SHROOM3: variants seen among roughly 807,000 people sequenced by gnomAD.
SHROOM3 encodes protein Shroom3.
Under a neutral mutation model 138.6 loss-of-function variants are expected in SHROOM3, and 47 were observed. The ratio of observed to expected loss-of-function variants is 0.34; its 90% CI spans 0.27 to 0.43. SHROOM3 has a LOEUF of 0.43. Ranked by LOEUF, SHROOM3 falls within the 20% of genes least tolerant of loss-of-function variation. The probability of loss-of-function intolerance (pLI) is 1.00; values close to 1 mark genes in which losing one functional copy is unlikely to be tolerated. For missense variants in SHROOM3, 2,491 were observed against 2,596.5 expected, an observed-to-expected ratio of 0.96 and a Z score of 0.88; for synonymous variants, 1,062 against 1,063.3, an observed-to-expected ratio of 1.00 and a Z score of 0.02.
intron 1 of SHROOM3, among the ~76,000 whole-genome samples, chr4:76,470,201 A>G (rs1731341146): frequency 6.6e-6 from 1 of 152,196 alleles, no homozygotes; most frequent in South Asian, 2.1e-4. Context: ...ACCCATAGCT[A>G]TTCACTATAC....
intron 1 of SHROOM3, among the ~76,000 whole-genome samples, chr4:76,547,757 T>C (rs1288811494): frequency 2.0e-5 from 3 of 148,502 alleles, no homozygotes; most frequent in Non-Finnish European, 4.4e-5. Context: ...TGGTGAAACC[T>C]TGTCTCTACT....
At chr4:76,545,097 T>C (rs186541471) in intron 1 of SHROOM3, among the ~76,000 whole-genome samples, 4 of 151,932 alleles carry the variant, frequency 2.6e-5, no homozygotes, top group Admixed American at 2.6e-4. Context: ...TTTTTTCTTT[T>C]TTTTTTCTTT....
intron 10 of SHROOM3, among the ~76,000 whole-genome samples, chr4:76,773,146 G>C (rs61293054): frequency 4.6e-5 from 7 of 152,040 alleles, no homozygotes; most frequent in African/African-American, 1.7e-4. Flanking sequence ...GGAGGCCAAG[G>C]GGGGCAGATC....
At position 76,483,688 on chromosome 4, in the gene SHROOM3, G is replaced by A. The variant is rs190142929; in HGVS notation, c.168+47468G>A. On this transcript the variant is annotated intron_variant, in intron 1 of 10. Transcript: ENST00000296043. The stretch of plus-strand genomic sequence containing the variant: ...TATAAATCATTCTATAAAGACACAC[G>A]CACACGTATGTTTATTACAGCACTA... Among the ~76,000 whole-genome samples the A allele has an allele frequency of 1.8e-3, 273 of 152,210 alleles. 2 individuals are homozygous for A. The highest frequency in any genetic ancestry group is 6.2e-3 in the African/African-American group (257 of 41,532).
chr4:76,712,865 G>C (rs1161519687), intron 3 of SHROOM3, among the ~76,000 whole-genome samples: 3 of 152,216 alleles, frequency 2.0e-5, no homozygotes, highest in Non-Finnish European at 4.4e-5. Context: ...ACACACCTGG[G>C]CCATTTGGTG....
At chr4:76,532,001 G>C (rs1400298027) in intron 1 of SHROOM3, among the ~76,000 whole-genome samples, 1 of 150,504 alleles carries the variant, frequency 6.6e-6, no homozygotes, top group Non-Finnish European at 1.5e-5. Flanking sequence ...TTGGTGTGCT[G>C]CACCCATTAA....
At chr4:76,689,412 G>A (rs1719440453) in intron 2 of SHROOM3, among the ~76,000 whole-genome samples, 1 of 137,678 alleles carries the variant, frequency 7.3e-6, no homozygotes, top group Admixed American at 8.4e-5. Context: ...GGCGCGGGGT[G>A]GACTGAGCGG....
At position 76,741,175 on chromosome 4, in the gene SHROOM3, C is replaced by T. The variant is rs1721241501; in HGVS notation, c.3002C>T (p.Pro1001Leu). 2.5e-6 allele frequency: 4 copies of T among 1,588,338 alleles called. No homozygotes were observed. In the African/African-American group the frequency reaches 4.0e-5, roughly 16 times the overall value. Residue 1001 changes from proline to leucine, a missense_variant, in exon 5 of 11, where the codon CCT (proline) becomes CTT (leucine). Coordinates refer to ENST00000296043, the MANE Select transcript of SHROOM3 (RefSeq NM_020859.4). This position sits in a 1 kb window ranked among gnomAD's most constrained non-coding sequence, Gnocchi z 6.2. The stretch of plus-strand genomic sequence containing the variant: ...GGCGACCTGGCCAGGCCCGTGCCCC[C>T]TGCCGCCCGGAGAGGTGCTCGCCGG... ...AEGDLARPVP[P>L]AARRGARRRL... is the part of the protein sequence containing the mutation.
At chr4:76,642,176 A>G (rs1735689391) in intron 2 of SHROOM3, among the ~76,000 whole-genome samples, 1 of 152,152 alleles carries the variant, frequency 6.6e-6, no homozygotes, top group South Asian at 2.1e-4. Context: ...TAACAAAGCA[A>G]TTATTTGTTT....
chr4:76,488,497 T>C (rs1291542155), intron 1 of SHROOM3, among the ~76,000 whole-genome samples: 1 of 152,240 alleles, frequency 6.6e-6, no homozygotes, highest in East Asian at 1.9e-4. Flanking sequence ...GAATAAAATA[T>C]GGACTTCTCT....
intron 1 of SHROOM3, among the ~76,000 whole-genome samples, chr4:76,460,719 G>T (rs910390258): frequency 2.0e-4 from 30 of 151,396 alleles, no homozygotes; most frequent in African/African-American, 7.3e-4. Context: ...GGCCACTAGT[G>T]GTAGCTCACA....
At chr4:76,547,207 G>C (rs1158000109) in intron 1 of SHROOM3, among the ~76,000 whole-genome samples, 1 of 152,226 alleles carries the variant, frequency 6.6e-6, no homozygotes, top group South Asian at 2.1e-4. Context: ...GACAAGTGAA[G>C]TGTTACTTTA....
intron 2 of SHROOM3, among the ~76,000 whole-genome samples, chr4:76,564,186 G>A (rs567579433): frequency 1.3e-5 from 2 of 152,334 alleles, no homozygotes; most frequent in South Asian, 2.1e-4. Flanking sequence ...GCTGGCAGAT[G>A]CCTGGGACAT....
intron 3 of SHROOM3, among the ~76,000 whole-genome samples, chr4:76,711,838 G>GAA (rs34892154): frequency 0.024 from 3,371 of 142,754 alleles, 121 homozygotes; most frequent in African/African-American, 0.081. Context: ...GATTTCATTT[G>GAA]AAAAAAAAAA....
At chr4:76,627,162 G>C (rs947803579) in intron 2 of SHROOM3, among the ~76,000 whole-genome samples, 9 of 152,154 alleles carry the variant, frequency 5.9e-5, no homozygotes, top group African/African-American at 1.9e-4. Flanking sequence ...GATGCGAGTA[G>C]GGGCTTTTTC....
chr4:76,667,890 C>T (rs1379211439), intron 2 of SHROOM3, among the ~76,000 whole-genome samples: 1 of 139,600 alleles, frequency 7.2e-6, no homozygotes, highest in Non-Finnish European at 1.5e-5. Context: ...ATCACTTGAA[C>T]CCGGGAGGCG....
chr4:76,580,567 C>T (rs1324507527), intron 2 of SHROOM3, among the ~76,000 whole-genome samples: 1 of 149,056 alleles, frequency 6.7e-6, no homozygotes, highest in Non-Finnish European at 1.5e-5. Flanking sequence ...GCTGGGAATA[C>T]AGGCATGCGC....
chr4:76,518,693 C>G (rs1732499776), intron 1 of SHROOM3, among the ~76,000 whole-genome samples: 1 of 152,164 alleles, frequency 6.6e-6, no homozygotes, highest in African/African-American at 2.4e-5. Context: ...TAAATGAGTA[C>G]TGTAACACAT....
intron 2 of SHROOM3, among the ~76,000 whole-genome samples, chr4:76,610,629 G>A (rs189119618): frequency 1.9e-3 from 283 of 152,236 alleles, no homozygotes; most frequent in African/African-American, 6.6e-3. Flanking sequence ...TTGTTCATAT[G>A]TGTGTTTTTT....
Sources: allele counts gnomAD v4.1 joint callset (sites outside exome capture counted in the v4.1 genomes callset), GRCh38; gene constraint gnomAD v4.1.1; non-coding constraint Gnocchi (gnomAD v3.1); transcripts MANE v1.5; gene names NCBI Gene and HGNC (gene_info 2026-07-23, HGNC 2026-07-21).